The following EPB41L5 variants were observed in gnomAD, a reference collection of about 807,000 sequenced individuals.
EPB41L5 encodes band 4.1-like protein 5.
A neutral mutation model predicts 106.6 loss-of-function variants in EPB41L5; 55 were observed. That is an observed-to-expected ratio of 0.52 (90% CI 0.42 to 0.65). The LOEUF (loss-of-function observed/expected upper bound fraction) is 0.65. Ranked by LOEUF, EPB41L5 falls within the 30% of genes least tolerant of loss-of-function variation. EPB41L5 has a pLI of 0.00. For missense variants in EPB41L5, 871 were observed against 882.1 expected (o/e 0.99, Z 0.16); for synonymous variants, 297 against 306.7 (o/e 0.97, Z 0.33).
At chr2:120,163,979 A>ATTTTTTTTTTTTTTTTTTTTTTTTTT (rs1687268274) in intron 21 of EPB41L5, among the ~76,000 whole-genome samples, 1 of 39,366 alleles carries the variant, frequency 2.5e-5, no homozygotes, top group Non-Finnish European at 6.2e-5. Flanking sequence ...TTTTGTATTT[A>ATTTTTTTTTTTTTTTTTTTTTTTTTT]CTTTTTTTTT....
chr2:120,116,920 G>A (rs1684970341), intron 16 of EPB41L5, among the ~76,000 whole-genome samples: 1 of 152,044 alleles, frequency 6.6e-6, no homozygotes. Context: ...CTGGGAATTT[G>A]CGTAATATAA....
In EPB41L5 at chr2:120,164,822, C is replaced by T. The variant is rs1169608398; in HGVS notation, c.1888-14C>T. ...AGGGGTCATTTAACAATTCTAGATT[C>T]CTGTCTTCCATAGGAAGCTACAGAT... On this transcript the variant is annotated splice_polypyrimidine_tract_variant and intron_variant, in intron 21 of 24. Coordinates refer to ENST00000263713, the MANE Select transcript of EPB41L5 (RefSeq NM_020909.4). 6.3e-7 allele frequency: 1 copy of T among 1,588,910 alleles called. No homozygotes were observed. The highest frequency in any genetic ancestry group is 1.1e-5 in the South Asian group (1 of 87,198).
At chr2:120,024,491 C>G (rs978539887) in intron 2 of EPB41L5, among the ~76,000 whole-genome samples, 1 of 152,132 alleles carries the variant, frequency 6.6e-6, no homozygotes, top group African/African-American at 2.4e-5. Context: ...AAATCTCACT[C>G]TGTTGCCCAG....
chr2:120,101,138 C>T (rs1475495434), intron 16 of EPB41L5, among the ~76,000 whole-genome samples: 1 of 152,180 alleles, frequency 6.6e-6, no homozygotes, highest in Non-Finnish European at 1.5e-5. Context: ...CTGAAAAAGA[C>T]AGTAGAATAT....
chr2:120,077,272 G>A lies in EPB41L5; in HGVS notation c.670G>A (p.Ala224Thr), dbSNP rs1411700602. ...GGCTGAAACCAATTATCTGAATAAA[G>A]CCAAATGGCTAGAAATGTATGGGGT... is the stretch of plus-strand genomic sequence containing the variant. ...AQAETNYLNK[A>T]KWLEMYGVDM... The change falls in exon 9 of 25, where the codon GCC (alanine) becomes ACC (threonine). Residue 224 changes from alanine (A) to threonine (T), a missense_variant. Coordinates refer to ENST00000263713, the MANE Select transcript of EPB41L5 (RefSeq NM_020909.4). The A allele has an allele frequency of 6.2e-7, 1 of 1,611,710 alleles. No homozygotes were observed. The highest frequency in any genetic ancestry group is 8.5e-7 in the Non-Finnish European group (1 of 1,178,546).
chr2:120,016,200 C>A (rs374268217), intron 1 of EPB41L5, among the ~76,000 whole-genome samples: 6 of 152,188 alleles, frequency 3.9e-5, no homozygotes, highest in Non-Finnish European at 8.8e-5. Context: ...GAGGCCGAGG[C>A]GGGCGGATCA....
intron 7 of EPB41L5, 42 bp downstream of exon 7, chr2:120,075,795 C>CT (rs1388441996): frequency 3.4e-6 from 5 of 1,462,538 alleles, no homozygotes; most frequent in Admixed American, 1.7e-5. Flanking sequence ...CAAGTATAAT[C>CT]TTTTTTGTGT....
intron 16 of EPB41L5, among the ~76,000 whole-genome samples, chr2:120,117,126 ACTT>A (rs1206900426): frequency 6.6e-6 from 1 of 152,192 alleles, no homozygotes; most frequent in Non-Finnish European, 1.5e-5. Context: ...AGAAATTACC[ACTT>A]CTTTAGAAGT....
At chr2:120,016,536 G>A (rs945539690) in intron 1 of EPB41L5, among the ~76,000 whole-genome samples, 6 of 151,892 alleles carry the variant, frequency 4.0e-5, no homozygotes, top group African/African-American at 1.5e-4. Flanking sequence ...ACACTATCTT[G>A]AGTCTTTAAA....
chr2:120,079,556 G>C (rs537795173), intron 10 of EPB41L5, among the ~76,000 whole-genome samples: 63 of 152,230 alleles, frequency 4.1e-4, no homozygotes, highest in African/African-American at 1.4e-3. Flanking sequence ...TGCTATGAAG[G>C]ACCACCCCTA....
intron 16 of EPB41L5, among the ~76,000 whole-genome samples, chr2:120,124,052 AC>A (rs1381398863): frequency 6.6e-6 from 1 of 152,192 alleles, no homozygotes; most frequent in African/African-American, 2.4e-5. Context: ...GCGAAGACTT[AC>A]TTGGTTGGTT....
chr2:120,105,714 C>T (rs72841620), intron 16 of EPB41L5: 62 of 985,358 alleles, frequency 6.3e-5, no homozygotes, highest in Non-Finnish European at 7.0e-5. Context: ...AGCCCATCAT[C>T]GTTTAGCAAG....
rs76917220 is a variant in EPB41L5 at position 120,020,178 on chromosome 2, C to T, written c.180+914C>T. On this transcript the variant is annotated intron_variant, in intron 2 of 24. Transcript: ENST00000263713. Reference sequence around the variant, plus strand: ...CATAGGATATTCCTTAATGTCTTTTCTCCCCACAGACTTTTTAGTACACAC... The same window carrying T: ...CATAGGATATTCCTTAATGTCTTTTTTCCCCACAGACTTTTTAGTACACAC... Among the ~76,000 whole-genome samples, 93 of 152,256 alleles carry T rather than the reference C, an allele frequency of 6.1e-4. No individual in the cohort carries two copies. The East Asian group carries it at 0.017, about 28-fold the overall frequency.
intron 13 of EPB41L5, among the ~76,000 whole-genome samples, chr2:120,092,998 T>C (rs1275470001): frequency 2.0e-5 from 3 of 152,176 alleles, no homozygotes; most frequent in Non-Finnish European, 4.4e-5. Context: ...CCCAGCACTT[T>C]GGGAGGCCAA....
chr2:120,017,093 C>A (rs183240088), intron 1 of EPB41L5, among the ~76,000 whole-genome samples: 5 of 152,288 alleles, frequency 3.3e-5, no homozygotes, highest in Admixed American at 3.3e-4. Flanking sequence ...ATAAATAAAT[C>A]TAGTTGAAAA....
At chr2:120,156,851 A>G (rs1402537043) in intron 20 of EPB41L5, among the ~76,000 whole-genome samples, 1 of 152,218 alleles carries the variant, frequency 6.6e-6, no homozygotes, top group Non-Finnish European at 1.5e-5. Flanking sequence ...GGAGACGTCA[A>G]CAGCCCACTG....
chr2:120,026,862 CTA>C (rs1678357273), intron 2 of EPB41L5, among the ~76,000 whole-genome samples: 1 of 152,058 alleles, frequency 6.6e-6, no homozygotes, highest in Admixed American at 6.6e-5. Context: ...TGTATCTAGG[CTA>C]TATAAAGAAC....
At chr2:120,127,974 G>T (rs1685532838) in intron 17 of EPB41L5, 123 bp downstream of exon 17, 2 of 854,028 alleles carry the variant, frequency 2.3e-6, no homozygotes, top group African/African-American at 3.4e-5. Flanking sequence ...TAATTCAGAA[G>T]AGTTATGCCC....
intron 20 of EPB41L5, among the ~76,000 whole-genome samples, chr2:120,149,569 AT>A (rs1334079217): frequency 7.9e-5 from 12 of 152,032 alleles, no homozygotes; most frequent in Non-Finnish European, 1.5e-5. Context: ...TCAGGACTTT[AT>A]TTCCTTTTAT....
Sources: gnomAD v4.1 joint callset for allele counts (sites outside exome capture counted in the v4.1 genomes callset) on GRCh38, gnomAD v4.1.1 for gene constraint, MANE v1.5 for transcripts, NCBI Gene and HGNC (gene_info 2026-07-23, HGNC 2026-07-21) for gene names.